CCDC192: variants seen among roughly 807,000 people sequenced by gnomAD.
CCDC192 encodes the protein coiled-coil domain-containing protein 192.
At position 127,862,168 on chromosome 5, in the gene CCDC192, C is replaced by A. The variant is rs535398928; in HGVS notation, c.412-13370C>A. Among the ~76,000 whole-genome samples, 3 of 152,246 alleles carry A rather than the reference C, an allele frequency of 2.0e-5. No individual in the cohort carries two copies. In the East Asian group the frequency reaches 5.8e-4, roughly 29 times the overall value. The stretch of plus-strand genomic sequence containing the variant: ...CTCCACAAATTCCTTAACTGCACTG[C>A]AATATTTATAATTTCAAAAACCTGC... On this transcript the variant is annotated intron_variant, in intron 5 of 6. Coordinates refer to ENST00000514853, the MANE Select transcript of CCDC192 (RefSeq NM_001317938.2).
intron 6 of CCDC192, among the ~76,000 whole-genome samples, chr5:127,930,871 C>T (rs1754008867): frequency 6.6e-6 from 1 of 152,254 alleles, no homozygotes; most frequent in African/African-American, 2.4e-5. Flanking sequence ...CCACCTTCCA[C>T]AAGCCTATAT....
chr5:127,875,980 G>A (rs1752060252), intron 6 of CCDC192, among the ~76,000 whole-genome samples: 1 of 151,940 alleles, frequency 6.6e-6, no homozygotes, highest in Non-Finnish European at 1.5e-5. Flanking sequence ...GAAGGCAGGT[G>A]CCTGCAGGGA....
chr5:127,914,629 T>C (rs887764427), intron 6 of CCDC192, among the ~76,000 whole-genome samples: 1 of 152,114 alleles, frequency 6.6e-6, no homozygotes. Context: ...AACAAAAATA[T>C]CAGTTGATTT....
At chr5:127,876,585 C>T (rs1240089536) in intron 6 of CCDC192, among the ~76,000 whole-genome samples, 1 of 152,202 alleles carries the variant, frequency 6.6e-6, no homozygotes, top group Admixed American at 6.5e-5. Context: ...CCTGGTGAAT[C>T]TCTTGCAAAG....
intron 6 of CCDC192, among the ~76,000 whole-genome samples, chr5:127,921,477 TAAAC>T (rs1241785382): frequency 5.9e-5 from 9 of 152,316 alleles, no homozygotes; most frequent in Middle Eastern, 3.4e-3. Flanking sequence ...AGTGAGCTGT[TAAAC>T]AAGGCATAAG....
intron 5 of CCDC192, among the ~76,000 whole-genome samples, chr5:127,864,913 C>A (rs1489804591): frequency 6.6e-6 from 1 of 152,114 alleles, no homozygotes; most frequent in African/African-American, 2.4e-5. Flanking sequence ...TTTGGGAGGC[C>A]AAGGTGGGCG....
rs56112384 is a variant in CCDC192 at position 127,891,849 on chromosome 5, T to C, written c.535+16188T>C. On this transcript the variant is annotated intron_variant, in intron 6 of 6. Transcript: ENST00000514853. The stretch of plus-strand genomic sequence containing the variant: ...CATCTAGATGATGGTATTCAACTGA[T>C]AGTGCTTTTATGTATGGCATTTACT... Among the ~76,000 whole-genome samples the C allele has an allele frequency of 4.4e-3, 672 of 152,360 alleles. 8 individuals carry two copies. The highest frequency in any genetic ancestry group is 0.015 in the African/African-American group (622 of 41,592).
intron 6 of CCDC192, among the ~76,000 whole-genome samples, chr5:127,887,325 T>G (rs1336424204): frequency 3.5e-5 from 1 of 28,946 alleles, no homozygotes; most frequent in Non-Finnish European, 6.8e-5. Flanking sequence ...AGAGACTCTG[T>G]CTCAAAAAAA....
At chr5:127,751,920 T>C (rs1754201919) in intron 2 of CCDC192, among the ~76,000 whole-genome samples, 1 of 152,166 alleles carries the variant, frequency 6.6e-6, no homozygotes, top group African/African-American at 2.4e-5. Flanking sequence ...CTCCTGAGGC[T>C]TCTGCATTCT....
intron 2 of CCDC192, among the ~76,000 whole-genome samples, chr5:127,711,366 CT>C (rs1365931597): frequency 6.6e-6 from 1 of 152,086 alleles, no homozygotes; most frequent in African/African-American, 2.4e-5. Context: ...TATGAAAGCA[CT>C]TTTTGGTTTT....
At chr5:127,854,313 T>C (rs1750958083) in intron 5 of CCDC192, among the ~76,000 whole-genome samples, 1 of 152,236 alleles carries the variant, frequency 6.6e-6, no homozygotes, top group Admixed American at 6.5e-5. Flanking sequence ...GATGACTTCC[T>C]GATTTGTACA....
intron 5 of CCDC192, among the ~76,000 whole-genome samples, chr5:127,856,342 T>C (rs772328497): frequency 1.4e-4 from 21 of 152,216 alleles, no homozygotes; most frequent in Non-Finnish European, 2.9e-4. Context: ...TTCCTAGAAT[T>C]GAAGAACATT....
intron 2 of CCDC192, among the ~76,000 whole-genome samples, chr5:127,743,997 G>A (rs763064612): frequency 2.0e-5 from 3 of 151,654 alleles, no homozygotes; most frequent in Non-Finnish European, 4.4e-5. Context: ...GGGAGGCTGA[G>A]GCAGGAGAAT....
intron 5 of CCDC192, among the ~76,000 whole-genome samples, chr5:127,847,402 CA>C (rs1412493033): frequency 6.6e-6 from 1 of 152,050 alleles, no homozygotes; most frequent in Admixed American, 6.5e-5. Context: ...TTTTAAAGAC[CA>C]ATCTACTTTC....
chr5:127,863,782 A>G (rs138268374), intron 5 of CCDC192, among the ~76,000 whole-genome samples: 425 of 152,356 alleles, frequency 2.8e-3, no homozygotes, highest in African/African-American at 9.6e-3. Flanking sequence ...GACTCAGAGT[A>G]ACTGACATTG....
At chr5:127,830,774 A>AC (rs1417614816) in intron 5 of CCDC192, among the ~76,000 whole-genome samples, 11 of 152,098 alleles carry the variant, frequency 7.2e-5, no homozygotes, top group African/African-American at 2.7e-4. Context: ...AAAAAAAAAA[A>AC]AACAGGAAAG....
At chr5:127,936,599 A>G (rs528707822) in intron 6 of CCDC192, among the ~76,000 whole-genome samples, 2 of 152,188 alleles carry the variant, frequency 1.3e-5, no homozygotes, top group African/African-American at 4.8e-5. Flanking sequence ...AGGGAAAATG[A>G]TGAAGAATGA....
At chr5:127,800,388 A>AC (rs1409963177) in intron 5 of CCDC192, among the ~76,000 whole-genome samples, 1 of 137,954 alleles carries the variant, frequency 7.2e-6, no homozygotes, top group African/African-American at 2.6e-5. Flanking sequence ...AAAAAAAAAA[A>AC]AAAAAAAAAA....
chr5:127,709,591 C>T (rs1015693736), intron 2 of CCDC192, among the ~76,000 whole-genome samples: 1 of 152,164 alleles, frequency 6.6e-6, no homozygotes, highest in Non-Finnish European at 1.5e-5. Context: ...ACAAACTGGA[C>T]ATAGCTCTCA....
Sources: gnomAD v4.1 joint callset for allele counts (sites outside exome capture counted in the v4.1 genomes callset) on GRCh38, gnomAD v4.1.1 for gene constraint, MANE v1.5 for transcripts, NCBI Gene and HGNC (gene_info 2026-07-23, HGNC 2026-07-21) for gene names.